The following DAB1 variants were observed in gnomAD, a reference collection of about 807,000 sequenced individuals.
DAB1 encodes disabled homolog 1.
In DAB1, 15 loss-of-function variants were observed where a neutral mutation model predicts 64.6. The observed-to-expected ratio is 0.23, with a 90% CI of 0.16 to 0.36. The LOEUF is 0.36. Ranked by LOEUF, DAB1 falls within the 10% of genes least tolerant of loss-of-function variation. The pLI is 1.00. For synonymous variants in DAB1, 235 were observed against 251.9 expected (o/e 0.93, Z 0.64); for missense variants, 596 against 706.7 (o/e 0.84, Z 1.78).
At chr1:57,942,953 G>A (rs1469341704) in intron 5 of DAB1, among the ~76,000 whole-genome samples, 4 of 152,114 alleles carry the variant, frequency 2.6e-5, no homozygotes, top group African/African-American at 7.2e-5. Flanking sequence ...ATTATTTACT[G>A]TCAACATTTA....
chr1:57,258,667 A>G (rs957204852), intron 2 of DAB1, among the ~76,000 whole-genome samples: 12 of 152,176 alleles, frequency 7.9e-5, no homozygotes, highest in African/African-American at 2.2e-4. Context: ...TGCTAGCCCA[A>G]TTACGCAAAT....
intron 6 of DAB1, among the ~76,000 whole-genome samples, chr1:57,735,091 G>A (rs1415445184): frequency 6.6e-6 from 1 of 152,176 alleles, no homozygotes; most frequent in Non-Finnish European, 1.5e-5. Context: ...TTGAGGAAAA[G>A]CTTTGTTTTC....
At chr1:58,390,182 C>G (rs1013062469) in intron 3 of DAB1, among the ~76,000 whole-genome samples, 4 of 152,124 alleles carry the variant, frequency 2.6e-5, no homozygotes, top group African/African-American at 9.7e-5. Context: ...CCTTCTGAGG[C>G]AGACTTGGAG....
chr1:58,387,732 T>C (rs1359914188), intron 3 of DAB1, among the ~76,000 whole-genome samples: 1 of 144,752 alleles, frequency 6.9e-6, no homozygotes, highest in African/African-American at 2.5e-5. Flanking sequence ...CTTTTTTTTT[T>C]TTTTTTTTTT....
intron 3 of DAB1, among the ~76,000 whole-genome samples, chr1:58,424,136 G>C (rs756905661): frequency 1.9e-4 from 29 of 152,174 alleles, no homozygotes; most frequent in Non-Finnish European, 3.5e-4. Context: ...TGGCCAGTTT[G>C]CTCAACATCC....
At chr1:57,343,448 C>T (rs987058530) in intron 1 of DAB1, among the ~76,000 whole-genome samples, 4 of 152,210 alleles carry the variant, frequency 2.6e-5, no homozygotes, top group South Asian at 4.1e-4. Flanking sequence ...CACCGTGCGC[C>T]CGCACTCCTG....
At chr1:58,222,763 T>C (rs907880868) in intron 4 of DAB1, among the ~76,000 whole-genome samples, 1 of 152,250 alleles carries the variant, frequency 6.6e-6, no homozygotes, top group African/African-American at 2.4e-5. Context: ...ATTCATGTTA[T>C]TGTCCAGCTC....
intron 2 of DAB1, among the ~76,000 whole-genome samples, chr1:57,165,906 C>T (rs1661174549): frequency 6.6e-6 from 1 of 152,170 alleles, no homozygotes; most frequent in South Asian, 2.1e-4. Context: ...AGAGGTGCCA[C>T]CAATTTGCAA....
At chr1:57,447,067 A>G (rs914343360) in intron 7 of DAB1, among the ~76,000 whole-genome samples, 5 of 152,220 alleles carry the variant, frequency 3.3e-5, no homozygotes, top group Non-Finnish European at 7.3e-5. Context: ...GGCACTGATA[A>G]TAAAGGAATG....
At position 57,398,788 on chromosome 1, in the gene DAB1, G is replaced by A. The variant is rs543155156; in HGVS notation, c.-137+25142C>T. Among the ~76,000 whole-genome samples the A allele has an allele frequency of 8.5e-5, 13 of 152,344 alleles. No individual in the cohort carries two copies. The South Asian group carries it at 2.7e-3, about 32-fold the overall frequency. ...CTGAAGGCTGGAGATGCCGCCTCTG[G>A]GCTTGGGGACAGCCATACTGAAGCT... On this transcript the variant is annotated intron_variant, in intron 1 of 14. Transcript: ENST00000371236.
intron 14 of DAB1, among the ~76,000 whole-genome samples, chr1:57,010,039 C>T (rs562860091): frequency 6.6e-5 from 10 of 152,222 alleles, no homozygotes; most frequent in Non-Finnish European, 1.2e-4. Context: ...TCTGGCTAGA[C>T]GAAAAGGGCT....
chr1:57,241,290 G>A (rs558061347), intron 2 of DAB1, among the ~76,000 whole-genome samples: 1 of 152,290 alleles, frequency 6.6e-6, no homozygotes, highest in Non-Finnish European at 1.5e-5. Flanking sequence ...GTAATTGAGG[G>A]AAGGAGAAGA....
chr1:57,089,993 G>A (rs1021757624), intron 4 of DAB1, among the ~76,000 whole-genome samples: 1 of 152,166 alleles, frequency 6.6e-6, no homozygotes, highest in Non-Finnish European at 1.5e-5. Context: ...CACCCAGCAT[G>A]GGGCAACAAG....
At chr1:58,503,316 T>G (rs1398788622) in intron 3 of DAB1, among the ~76,000 whole-genome samples, 2 of 152,176 alleles carry the variant, frequency 1.3e-5, no homozygotes, top group East Asian at 1.9e-4. Flanking sequence ...TTATAGTCAG[T>G]GATCCTCAGT....
At chr1:57,402,601 C>A (rs1232387775) in intron 1 of DAB1, among the ~76,000 whole-genome samples, 1 of 152,112 alleles carries the variant, frequency 6.6e-6, no homozygotes, top group East Asian at 1.9e-4. Context: ...AGCTTTGATT[C>A]AGATTCTTCT....
intron 1 of DAB1, among the ~76,000 whole-genome samples, chr1:57,357,423 T>C (rs1679193133): frequency 1.3e-5 from 2 of 151,930 alleles, no homozygotes; most frequent in Non-Finnish European, 2.9e-5. Context: ...GGTCTGGTGC[T>C]TTACCAACCC....
intron 4 of DAB1, among the ~76,000 whole-genome samples, chr1:58,256,679 T>C (rs375142623): frequency 5.3e-5 from 8 of 152,354 alleles, no homozygotes; most frequent in Middle Eastern, 3.4e-3. Flanking sequence ...CAATCCCCAC[T>C]AGTCTGTGAG....
exon 7 of DAB1, chr1:57,649,619 A>G: frequency 6.6e-6 from 1 of 152,256 alleles, no homozygotes; most frequent in Non-Finnish European, 1.5e-5. Context: ...GAGTTCTTCA[A>G]TCATGAAGAC....
intron 7 of DAB1, among the ~76,000 whole-genome samples, chr1:57,522,280 G>A: frequency 6.6e-6 from 1 of 152,140 alleles, no homozygotes; most frequent in Admixed American, 6.5e-5. Flanking sequence ...ATGCAGTCAG[G>A]TGACCAGTAC....
Sources: gnomAD v4.1 joint callset for allele counts (sites outside exome capture counted in the v4.1 genomes callset) on GRCh38, gnomAD v4.1.1 for gene constraint, MANE v1.5 for transcripts, NCBI Gene and HGNC (gene_info 2026-07-23, HGNC 2026-07-21) for gene names.